SLC34A3: variants seen among roughly 807,000 people sequenced by gnomAD.
The protein encoded by SLC34A3 is solute carrier family 34 member 3, also known as sodium-dependent phosphate transport protein 2C.
SLC34A3 carries 60 observed loss-of-function variants against 43.9 expected under a neutral mutation model. The observed-to-expected ratio is 1.37, with a 90% confidence interval of 1.11 to 1.70. The LOEUF (loss-of-function observed/expected upper bound fraction) is 1.70. Among genes scored for constraint, SLC34A3 ranks in the 40% most tolerant of loss-of-function variants. The pLI is 0.00. For synonymous variants in SLC34A3, 451 were observed against 386.2 expected (o/e 1.17, Z -1.97); for missense variants, 969 against 823.8 (o/e 1.18, Z -2.16).
chr9:137,235,548 A>C (rs1836540777), intron 12 of SLC34A3, among the ~76,000 whole-genome samples: 1 of 152,148 alleles, frequency 6.6e-6, no homozygotes, highest in Non-Finnish European at 1.5e-5. Flanking sequence ...GGCCCGTGAC[A>C]CTGTTCTCCC....
Position 137,234,095 on chromosome 9 carries a change from T to A in SLC34A3, c.926-14T>A, listed in dbSNP as rs1229189785. On this transcript the variant is annotated splice_polypyrimidine_tract_variant and intron_variant, in intron 9 of 12. Transcript: ENST00000673835. This position sits in a 1 kb window ranked among gnomAD's most constrained non-coding sequence, Gnocchi z 6.9. ...CCCCAGGCTCCCCCTCACCTGCCCC[T>A]GCCCTGCCCCCAGGCCGCCACCTGT... The A allele has an allele frequency of 9.3e-7, 1 of 1,070,196 alleles. No homozygotes were observed. The highest frequency in any genetic ancestry group is 1.7e-5 in the South Asian group (1 of 57,858). 66.3% of individuals were successfully genotyped at this position (1,070,196 alleles called of 1,614,324 possible).
Position 137,232,993 on chromosome 9 carries a change from C to T in SLC34A3, c.449-11C>T. 2 of 1,610,730 alleles carry T rather than the reference C, an allele frequency of 1.2e-6. No individual in the cohort carries two copies. Among genetic ancestry groups the T allele is most frequent in the Non-Finnish European group, 1.7e-6 (2 of 1,179,262 alleles). On this transcript the variant is annotated splice_polypyrimidine_tract_variant and intron_variant, in intron 5 of 12. Coordinates refer to ENST00000673835, the MANE Select transcript of SLC34A3 (RefSeq NM_001177316.2). ...GTGGGCCGCAGGCTGACTCAGCCCC[C>T]CCACCAGCAGTGCTGACTGTCCGGG...
intron 7 of SLC34A3, 97 bp downstream of exon 7, chr9:137,233,501 T>TGGGC: frequency 6.3e-7 from 1 of 1,576,160 alleles, no homozygotes; most frequent in South Asian, 1.1e-5. Context: ...GCGGAGGGTC[T>TGGGC]GGGCCCTGTC....
chr9:137,235,288 C>A (rs1836521683), intron 12 of SLC34A3, among the ~76,000 whole-genome samples: 2 of 152,176 alleles, frequency 1.3e-5, no homozygotes, highest in African/African-American at 4.8e-5. Flanking sequence ...CCCTCTAAAA[C>A]AGCCCGTCTG....
Position 137,236,047 on chromosome 9 carries a change from C to T in SLC34A3, c.1431C>T (p.Phe477=), listed in dbSNP as rs150176604. The T allele has an allele frequency of 1.5e-4, 247 of 1,612,602 alleles. No individual in the cohort carries two copies. The highest frequency in any genetic ancestry group is 1.9e-4 in the Non-Finnish European group (221 of 1,179,860). ...LRLPIPLARH[F]GVVTARYRWV... ...TGCCCATCCCGCTGGCCAGGCACTT[C>T]GGGGTGGTGACCGCCCGTTACCGCT... Residue 477 remains phenylalanine (F), a synonymous_variant, in exon 13 of 13, where the codon TTC becomes TTT. Transcript: ENST00000673835.
At position 137,232,705 on chromosome 9, in the gene SLC34A3, T is replaced by C. The variant is rs201293634; in HGVS notation, c.304+2T>C. On this transcript the variant is annotated splice_donor_variant, in intron 4 of 12. Transcript: ENST00000673835. LOFTEE classifies it high-confidence loss of function. ...GCTCCGCCTTCCAGCTGCTGGGCAG[T>C]GAGTGACGGGACGGGTGCCCAGGGC... 4.0e-5 allele frequency: 65 copies of C among 1,612,900 alleles called. No homozygotes were observed. Among genetic ancestry groups the C allele is most frequent in the Non-Finnish European group, 5.3e-5 (63 of 1,179,930 alleles).
At chr9:137,232,965 A>C in intron 5 of SLC34A3, 38 bp downstream of exon 5, 3 of 898,274 alleles carry the variant, frequency 3.3e-6, no homozygotes, top group Non-Finnish European at 5.1e-6. Flanking sequence ...TGGGGGGGGC[A>C]GGGTGGGCCG....
Position 137,232,134 on chromosome 9 carries a change from C to G in SLC34A3, c.148C>G (p.Leu50Val), listed in dbSNP as rs763707162. The G allele has an allele frequency of 1.9e-6, 3 of 1,613,132 alleles. No individual in the cohort carries two copies. The highest frequency in any genetic ancestry group is 2.2e-5 in the South Asian group (2 of 91,090). The change falls in exon 3 of 13, where the codon CTG becomes GTG. Residue 50 changes from leucine (L) to valine (V), a missense_variant. Transcript: ENST00000673835. ...CACAGACCCCTGGACCCTCCCTCAG[C>G]TGAAGGACACAAGCCAGCCCTGGAA... ...GDTDPWTLPQLKDTSQPWKEL... is the reference protein window; with the variant it reads ...GDTDPWTLPQVKDTSQPWKEL...
chr9:137,232,713 G>A lies in SLC34A3; in HGVS notation c.304+10G>A, dbSNP rs756183651. ...TTCCAGCTGCTGGGCAGTGAGTGACGGGACGGGTGCCCAGGGCGGGGCGGG... is the reference window on the plus strand; with the variant it reads ...TTCCAGCTGCTGGGCAGTGAGTGACAGGACGGGTGCCCAGGGCGGGGCGGG... On this transcript the variant is annotated intron_variant, in intron 4 of 12. Coordinates refer to ENST00000673835, the MANE Select transcript of SLC34A3 (RefSeq NM_001177316.2). The A allele has an allele frequency of 3.5e-5, 56 of 1,612,936 alleles. No individual in the cohort carries two copies. The Middle Eastern group carries it at 4.9e-4, about 14-fold the overall frequency.
chr9:137,233,163 A>ACCCCCCACCCCCCCCCCCCT, intron 6 of SLC34A3, 46 bp from the exon 7 acceptor site: 1 of 1,277,838 alleles, frequency 7.8e-7, no homozygotes. Flanking sequence ...TGGCAGCCCC[A>ACCCCCCACCCCCCCCCCCCT]GCCCGGGCCC....
Position 137,236,373 on chromosome 9 carries a change from A to G in SLC34A3, c.1757A>G (p.Tyr586Cys). Reference protein sequence around the residue: ...SPPKATTKEAYCYENPEILAS... With the variant: ...SPPKATTKEACCYENPEILAS... ...CCGAAGGCCACCACCAAAGAGGCCT[A>G]CTGCTACGAGAACCCTGAGATCTTG... Residue 586 changes from tyrosine (Y) to cysteine (C), a missense_variant, in exon 13 of 13, where the codon TAC (tyrosine) becomes TGC (cysteine). Tyr to Cys is a radical substitution (Grantham distance 194, BLOSUM62 -2). Coordinates refer to ENST00000673835, the MANE Select transcript of SLC34A3 (RefSeq NM_001177316.2). 6.5e-7 allele frequency: 1 copy of G among 1,539,406 alleles called. No homozygotes were observed. Among genetic ancestry groups the G allele is most frequent in the Non-Finnish European group, 8.7e-7 (1 of 1,146,756 alleles).
intron 12 of SLC34A3, among the ~76,000 whole-genome samples, chr9:137,235,669 G>T (rs978458578): frequency 3.9e-5 from 6 of 152,202 alleles, no homozygotes; most frequent in Non-Finnish European, 5.9e-5. Context: ...GAGCCAGGTC[G>T]GAAGGTGCTT....
intron 12 of SLC34A3, among the ~76,000 whole-genome samples, chr9:137,235,264 G>T (rs1170443438): frequency 6.6e-6 from 1 of 152,088 alleles, no homozygotes; most frequent in Admixed American, 6.5e-5. Flanking sequence ...GTCTCATTTA[G>T]TCCAGCTGGT....
In SLC34A3 at chr9:137,233,270, C is replaced by G. The variant is rs1426032541; in HGVS notation, c.622C>G (p.Pro208Ala). 3 of 1,583,538 alleles carry G rather than the reference C, an allele frequency of 1.9e-6. No homozygotes were observed. In the Admixed American group the frequency reaches 5.3e-5, roughly 28 times the overall value. The change falls in exon 7 of 13, where the codon CCA (proline) becomes GCA (alanine). Residue 208 changes from proline to alanine, a missense_variant. Transcript: ENST00000673835. The stretch of plus-strand genomic sequence containing the variant: ...CTGGCTCACAGTGCTGGTCCTGCTG[C>G]CACTGGAGAGCGCCACGGCCCTGCT... ...FNWLTVLVLLPLESATALLER... is the reference protein window; with the variant it reads ...FNWLTVLVLLALESATALLER...
chr9:137,233,828 CTG>C, intron 8 of SLC34A3, 33 bp from the exon 9 acceptor site: 2 of 1,592,564 alleles, frequency 1.3e-6, no homozygotes, highest in Non-Finnish European at 8.6e-7. Flanking sequence ...TGTCTGCCCA[CTG>C]AGCCTGTCCT....
chr9:137,231,964 T>C, intron 2 of SLC34A3, 108 bp from the exon 3 acceptor site: 1 of 1,214,170 alleles, frequency 8.2e-7, no homozygotes, highest in Non-Finnish European at 1.2e-6. Context: ...TTTCTGTCCC[T>C]CACTCCAGGC....
At chr9:137,235,818 G>A in intron 12 of SLC34A3, 134 bp from the exon 13 acceptor site, 2 of 800,644 alleles carry the variant, frequency 2.5e-6, no homozygotes, top group East Asian at 2.6e-5. Flanking sequence ...CTCCCAGACG[G>A]CCATCTCATC....
chr9:137,236,493 C>T lies in SLC34A3; in HGVS notation c.*77C>T, dbSNP rs371908040. Reference sequence around the variant, plus strand: ...GAGGGCCCTGGAGGGGGGGTCCCCGCGGCAGCTGACCTCCGGTCACCTGCT... The same window carrying T: ...GAGGGCCCTGGAGGGGGGGTCCCCGTGGCAGCTGACCTCCGGTCACCTGCT... On this transcript the variant is annotated 3_prime_UTR_variant, in exon 13 of 13. Transcript: ENST00000673835. 117 of 1,249,130 alleles carry T rather than the reference C, an allele frequency of 9.4e-5. No individual in the cohort carries two copies. Among genetic ancestry groups the T allele is most frequent in the East Asian group, 9.3e-4 (37 of 39,610 alleles). 77.4% of individuals were successfully genotyped at this position (1,249,130 alleles called of 1,614,324 possible).
intron 8 of SLC34A3, 64 bp from the exon 9 acceptor site, chr9:137,233,799 C>T (rs1836396856): frequency 1.3e-6 from 2 of 1,506,870 alleles, no homozygotes; most frequent in Admixed American, 1.8e-5. Context: ...CCCACCCTCA[C>T]CTCGAGCCCT....
Sources: gnomAD v4.1 joint callset for allele counts (sites outside exome capture counted in the v4.1 genomes callset) on GRCh38, gnomAD v4.1.1 for gene constraint, Gnocchi (gnomAD v3.1) non-coding constraint, MANE v1.5 for transcripts, NCBI Gene and HGNC (gene_info 2026-07-23, HGNC 2026-07-21) for gene names.